LDHC: variants seen among roughly 807,000 people sequenced by gnomAD.
The protein encoded by LDHC is lactate dehydrogenase C.
LDHC carries 20 observed loss-of-function variants against 30.2 expected under a neutral mutation model. The observed-to-expected ratio is 0.66, with a 90% CI of 0.47 to 0.96. LDHC has a LOEUF of 0.96. Ranked by LOEUF, LDHC falls within the 40% of genes least tolerant of loss-of-function variation. The probability of loss-of-function intolerance (pLI) is 0.00; values close to 1 mark genes in which losing one functional copy is unlikely to be tolerated. For synonymous variants in LDHC, 139 were observed against 132.7 expected, an observed-to-expected ratio of 1.05 and a Z score of -0.32; for missense variants, 362 against 394.9, an observed-to-expected ratio of 0.92 and a Z score of 0.71.
At chr11:18,448,745 A>AT (rs142663276) in intron 7 of LDHC, among the ~76,000 whole-genome samples, 71,858 of 147,584 alleles carry the variant, frequency 0.49, 18,633 homozygotes, top group South Asian at 0.62. Flanking sequence ...TATTAATTGG[A>AT]TTTTTTTTTT....
intron 4 of LDHC, among the ~76,000 whole-genome samples, chr11:18,433,398 T>TTA (rs1554964276): frequency 3.0e-5 from 4 of 132,826 alleles, no homozygotes. Flanking sequence ...AAAAAGGAAA[T>TTA]AAAAAAAAAA....
intron 6 of LDHC, among the ~76,000 whole-genome samples, chr11:18,439,485 C>A (rs1441671227): frequency 6.7e-6 from 1 of 148,618 alleles, no homozygotes; most frequent in Non-Finnish European, 1.5e-5. Flanking sequence ...ATCACTGGAA[C>A]CCAGGAGGCA....
At chr11:18,445,441 C>A (rs1209958164) in intron 6 of LDHC, among the ~76,000 whole-genome samples, 1 of 152,148 alleles carries the variant, frequency 6.6e-6, no homozygotes, top group East Asian at 1.9e-4. Context: ...TCGTGATCCA[C>A]CCACCTCGGC....
intron 3 of LDHC, among the ~76,000 whole-genome samples, chr11:18,420,094 GAACAAC>G (rs74327082): frequency 6.6e-6 from 1 of 151,556 alleles, no homozygotes; most frequent in Non-Finnish European, 1.5e-5. Flanking sequence ...CTCCGTCTTA[GAACAAC>G]AACAACAACA....
In LDHC at chr11:18,429,832, G is replaced by A. The variant is rs774900783; in HGVS notation, c.340G>A (p.Val114Met). The change falls in exon 4 of 8, where the codon GTG (valine) becomes ATG (methionine). Residue 114 changes from valine to methionine, a missense_variant. By Grantham distance (21) the Val-to-Met change is conservative (BLOSUM62 1). Transcript: ENST00000541669. ...ETRLALVQRN[V>M]AIMKSIIPAI... ...TCGCCTTGCCCTGGTCCAACGTAAT[G>A]TGGCTATAATGAAATCAATCATTCC... is the stretch of plus-strand genomic sequence containing the variant. 8 of 1,611,864 alleles carry A rather than the reference G, an allele frequency of 5.0e-6. No individual in the cohort carries two copies. Among genetic ancestry groups the A allele is most frequent in the South Asian group, 3.3e-5 (3 of 91,034 alleles).
At chr11:18,433,145 G>A (rs1848297269) in intron 4 of LDHC, among the ~76,000 whole-genome samples, 1 of 152,128 alleles carries the variant, frequency 6.6e-6, no homozygotes, top group African/African-American at 2.4e-5. Flanking sequence ...CAGCATTTTG[G>A]GAGGCCAAGG....
chr11:18,416,098 A>G (rs1260791133), intron 3 of LDHC, among the ~76,000 whole-genome samples: 2 of 152,260 alleles, frequency 1.3e-5, no homozygotes, highest in African/African-American at 4.8e-5. Flanking sequence ...AATCTCTTCT[A>G]TTAATGACTT....
chr11:18,441,755 T>C (rs895837352), intron 6 of LDHC, among the ~76,000 whole-genome samples: 3 of 151,614 alleles, frequency 2.0e-5, no homozygotes, highest in African/African-American at 7.3e-5. Flanking sequence ...CTACTAAAAA[T>C]ACAAAAATTA....
intron 3 of LDHC, among the ~76,000 whole-genome samples, chr11:18,421,979 C>CCAGGCGTGA (rs1848067252): frequency 6.0e-5 from 9 of 151,192 alleles, no homozygotes; most frequent in African/African-American, 2.2e-4. Context: ...CAAAAATTAG[C>CCAGGCGTGA]TGCATGTGGT....
intron 5 of LDHC, 66 bp from the exon 6 acceptor site, chr11:18,438,462 C>A: frequency 9.8e-7 from 1 of 1,017,944 alleles, no homozygotes. Flanking sequence ...AAAAAAACAA[C>A]ACTGAACTCA....
At chr11:18,422,842 G>A (rs988990623) in intron 3 of LDHC, among the ~76,000 whole-genome samples, 1 of 151,590 alleles carries the variant, frequency 6.6e-6, no homozygotes, top group Non-Finnish European at 1.5e-5. Flanking sequence ...AATTAGCTGG[G>A]CGTGTTGATG....
At chr11:18,443,975 G>T (rs1370640010) in intron 6 of LDHC, among the ~76,000 whole-genome samples, 1 of 152,048 alleles carries the variant, frequency 6.6e-6, no homozygotes, top group Admixed American at 6.6e-5. Flanking sequence ...AATCCTCAGG[G>T]TGCTGCTAAT....
intron 6 of LDHC, among the ~76,000 whole-genome samples, chr11:18,439,821 A>AAC (rs1554964746): frequency 1.4e-5 from 2 of 143,184 alleles, no homozygotes; most frequent in East Asian, 4.0e-4. Flanking sequence ...TAAAAAAAAA[A>AAC]AAAAAAAAAA....
intron 6 of LDHC, among the ~76,000 whole-genome samples, chr11:18,440,236 C>T (rs1848441782): frequency 1.3e-5 from 2 of 151,628 alleles, no homozygotes; most frequent in Non-Finnish European, 2.9e-5. Flanking sequence ...ATCGCCTGAA[C>T]CTGGGAGGCG....
chr11:18,441,176 G>A (rs1032559278), intron 6 of LDHC, among the ~76,000 whole-genome samples: 16 of 151,650 alleles, frequency 1.1e-4, no homozygotes, highest in South Asian at 2.1e-4. Flanking sequence ...ATATAGCCAC[G>A]AATTGTTGTC....
intron 5 of LDHC, among the ~76,000 whole-genome samples, chr11:18,437,367 T>C (rs1193198575): frequency 6.6e-6 from 1 of 152,266 alleles, no homozygotes; most frequent in African/African-American, 2.4e-5. Flanking sequence ...ATAATTTTAT[T>C]TCTTACATTT....
intron 3 of LDHC, among the ~76,000 whole-genome samples, chr11:18,419,088 G>A (rs73436642): frequency 0.15 from 23,278 of 152,210 alleles, 2,009 homozygotes; most frequent in African/African-American, 0.23. Context: ...CAAACCTGGT[G>A]CCCTAGTGGA....
At chr11:18,447,751 A>G (rs1848579293) in intron 7 of LDHC, among the ~76,000 whole-genome samples, 1 of 152,074 alleles carries the variant, frequency 6.6e-6, no homozygotes, top group Admixed American at 6.6e-5. Flanking sequence ...CCAGGGGATT[A>G]ATGATTTGGA....
chr11:18,436,129 C>A (rs1848349562), intron 5 of LDHC, among the ~76,000 whole-genome samples: 1 of 152,138 alleles, frequency 6.6e-6, no homozygotes, highest in African/African-American at 2.4e-5. Context: ...ACAAATATTT[C>A]TTCAGCCAGA....
Sources: gnomAD v4.1 joint callset for allele counts (sites outside exome capture counted in the v4.1 genomes callset) on GRCh38, gnomAD v4.1.1 for gene constraint, MANE v1.5 for transcripts, NCBI Gene and HGNC (gene_info 2026-07-23, HGNC 2026-07-21) for gene names.